ECHDC2: variants seen among roughly 807,000 people sequenced by gnomAD.
ECHDC2 encodes enoyl-CoA hydratase domain containing 2.
Under a neutral mutation model 40.6 loss-of-function variants are expected in ECHDC2, and 34 were observed. The observed-to-expected ratio is 0.84, with a 90% CI of 0.64 to 1.11. The LOEUF (loss-of-function observed/expected upper bound fraction) is 1.11, where lower values mean the gene tolerates loss of function less well. Among genes scored for constraint, ECHDC2 ranks in the 50% most tolerant of loss-of-function variants. The probability of loss-of-function intolerance (pLI) is 0.00; values close to 1 mark genes in which losing one functional copy is unlikely to be tolerated. For synonymous variants in ECHDC2, 162 were observed against 166.6 expected (o/e 0.97, Z 0.21); for missense variants, 392 against 400.7 (o/e 0.98, Z 0.19).
intron 1 of ECHDC2, chr1:52,915,088 A>T (rs1035793843): frequency 2.6e-6 from 1 of 382,602 alleles, no homozygotes; most frequent in Non-Finnish European, 5.2e-6. Flanking sequence ...CCATCTAGTC[A>T]GGGTGTGGGG....
At position 52,921,717 on chromosome 1, in the gene ECHDC2, C is replaced by G; in HGVS notation, c.-44G>C. ...TGAAGGTGCTTCTCCGGCCCTGCAC[C>G]GTCTCGGCTCCCGCTGAGAGCTCGC... is the stretch of plus-strand genomic sequence containing the variant. On this transcript the variant is annotated 5_prime_UTR_variant, in exon 1 of 10. Coordinates refer to ENST00000371522, the MANE Select transcript of ECHDC2 (RefSeq NM_001198961.2). 1 of 1,438,000 alleles carries G rather than the reference C, an allele frequency of 7.0e-7. No individual in the cohort carries two copies. The highest frequency in any genetic ancestry group is 9.1e-7 in the Non-Finnish European group (1 of 1,098,772). The allele number at this position is 1,438,000 out of a possible 1,614,324, so 89.1% of individuals were successfully genotyped here.
chr1:52,917,151 G>A (rs897895616), intron 1 of ECHDC2, among the ~76,000 whole-genome samples: 2 of 151,830 alleles, frequency 1.3e-5, no homozygotes, highest in African/African-American at 4.8e-5. Flanking sequence ...GAAACCAAGA[G>A]GCAGAGGCTG....
chr1:52,920,799 T>C (rs149275389), intron 1 of ECHDC2, among the ~76,000 whole-genome samples: 1 of 151,566 alleles, frequency 6.6e-6, no homozygotes, highest in Admixed American at 6.5e-5. Context: ...CATCTGTGTA[T>C]CAAATGCAGG....
intron 3 of ECHDC2, among the ~76,000 whole-genome samples, chr1:52,910,352 G>GCTTTTTTTTTTTTTTTTTTTTTTT (rs1649094598): frequency 6.2e-5 from 2 of 32,062 alleles, no homozygotes; most frequent in African/African-American, 2.2e-4. Context: ...CCACAATTTC[G>GCTTTTTTTTTTTTTTTTTTTTTTT]TTTTTTTTTT....
At position 52,897,629 on chromosome 1, in the gene ECHDC2, A is replaced by T; in HGVS notation, c.754-145T>A. The T allele has an allele frequency of 6.5e-6, 5 of 770,642 alleles. No homozygotes were observed. The Admixed American group carries it at 1.0e-4, about 16-fold the overall frequency. The allele number at this position is 770,642 out of a possible 1,614,324, so 47.7% of individuals were successfully genotyped here. The stretch of plus-strand genomic sequence containing the variant: ...ATTTCCCTCCTAGAGAAGAAACACC[A>T]TTCGTAACTATGACAAAACTGCTGG... On this transcript the variant is annotated intron_variant, in intron 8 of 9. Coordinates refer to ENST00000371522, the MANE Select transcript of ECHDC2 (RefSeq NM_001198961.2).
chr1:52,908,167 T>C (rs908913466), intron 3 of ECHDC2, among the ~76,000 whole-genome samples: 1 of 152,072 alleles, frequency 6.6e-6, no homozygotes, highest in Admixed American at 6.6e-5. Flanking sequence ...TCCATCAAAA[T>C]GGAAACCTTC....
intron 1 of ECHDC2, chr1:52,913,780 C>T (rs12096622): frequency 0.024 from 7,020 of 292,308 alleles, 530 homozygotes; most frequent in African/African-American, 0.15. Flanking sequence ...CACCCGGGGG[C>T]CCTAGTGTAC....
At chr1:52,915,198 A>T in intron 1 of ECHDC2, 1 of 455,972 alleles carries the variant, frequency 2.2e-6, no homozygotes, top group African/African-American at 2.0e-5. Context: ...AGGTCTTCCC[A>T]GGGCTGAAAT....
Position 52,897,423 on chromosome 1 carries a change from T to C in ECHDC2, c.801+14A>G, listed in dbSNP as rs1266284421. On this transcript the variant is annotated intron_variant, in intron 9 of 9. Coordinates refer to ENST00000371522, the MANE Select transcript of ECHDC2 (RefSeq NM_001198961.2). ...CCTATGTTAACAAGCAGGCATGGGCTGGTTGCTACATACCTGGGCATAGCA... is the reference window on the plus strand; with the variant it reads ...CCTATGTTAACAAGCAGGCATGGGCCGGTTGCTACATACCTGGGCATAGCA... 1 of 1,613,920 alleles carries C rather than the reference T, an allele frequency of 6.2e-7. No individual in the cohort carries two copies. Among genetic ancestry groups the C allele is most frequent in the Non-Finnish European group, 8.5e-7 (1 of 1,179,894 alleles).
At chr1:52,913,768 G>T in intron 1 of ECHDC2, 1 of 238,722 alleles carries the variant, frequency 4.2e-6, no homozygotes, top group Non-Finnish European at 7.3e-6. Flanking sequence ...ATGCACTGTC[G>T]CCACCCGGGG....
At chr1:52,915,080 A>G (rs1439034256) in intron 1 of ECHDC2, 5 of 376,058 alleles carry the variant, frequency 1.3e-5, no homozygotes, top group African/African-American at 4.2e-5. Flanking sequence ...CACCCCCGCC[A>G]TCTAGTCAGG....
In ECHDC2 at chr1:52,921,670, G is replaced by A. The variant is rs1465595662; in HGVS notation, c.4C>T (p.Leu2=). 3 of 1,562,680 alleles carry A rather than the reference G, an allele frequency of 1.9e-6. No homozygotes were observed. The highest frequency in any genetic ancestry group is 2.6e-6 in the Non-Finnish European group (3 of 1,156,632). Residue 2 remains leucine (L), a synonymous_variant, in exon 1 of 10, where the codon CTG becomes TTG. Coordinates refer to ENST00000371522, the MANE Select transcript of ECHDC2 (RefSeq NM_001198961.2). M[L]RVLCLLRPWR... is the part of the protein sequence containing the mutation. ...GGGCGCAGGAGGCACAGAACGCGCA[G>A]CATCGGGGCGCAGGCTGGGAGTGAA...
At position 52,896,529 on chromosome 1, in the gene ECHDC2, A is replaced by C; in HGVS notation, c.870T>G (p.Val290=). 1.9e-6 allele frequency: 3 copies of C among 1,614,004 alleles called. No homozygotes were observed. Among genetic ancestry groups the C allele is most frequent in the Non-Finnish European group, 2.5e-6 (3 of 1,179,862 alleles). Residue 290 remains valine (V), a synonymous_variant, in exon 10 of 10, where the codon GTT becomes GTG. Transcript: ENST00000371522. ...AFREKRTPKF[V]GK ...AAGGTTAAAATGGGGGTCATTTGCC[A>C]ACAAATTTGGGAGTCCGCTTCTCCC...
intron 9 of ECHDC2, chr1:52,896,896 A>G: frequency 2.8e-6 from 1 of 355,928 alleles, no homozygotes; most frequent in East Asian, 4.6e-5. Context: ...GCTGCTCAGT[A>G]GAGAAAAAAA....
At chr1:52,905,906 A>G in intron 5 of ECHDC2, 1 of 208,236 alleles carries the variant, frequency 4.8e-6, no homozygotes, top group Admixed American at 5.3e-5. Flanking sequence ...ACACATTTTT[A>G]TATGTTGCTC....
rs200299177 is a variant in ECHDC2, at chr1:52,921,630, C to G, written c.44G>C (p.Arg15Pro). The G allele has an allele frequency of 3.0e-5, 48 of 1,592,996 alleles. No homozygotes were observed. Among genetic ancestry groups the G allele is most frequent in the Non-Finnish European group, 3.8e-5 (45 of 1,170,654 alleles). Reference sequence around the variant, plus strand: ...CCCGTCGGAAGCGCAGCCGCGGGCCCGAAGGGGCCTCCAGGGGCGCAGGAG... The same window carrying G: ...CCCGTCGGAAGCGCAGCCGCGGGCCGGAAGGGGCCTCCAGGGGCGCAGGAG... ...LCLLRPWRPL[R>P]ARGCASDGAA... Residue 15 changes from arginine (R) to proline (P), a missense_variant, in exon 1 of 10, where the codon CGG (arginine) becomes CCG (proline). Physicochemically the swap from Arg to Pro is moderately radical, Grantham distance 103 (BLOSUM62 -2). Transcript: ENST00000371522.
rs1310913636 is a variant in ECHDC2 at position 52,897,502 on chromosome 1, T to A, written c.754-18A>T. On this transcript the variant is annotated intron_variant, in intron 8 of 9. Transcript: ENST00000371522. Reference sequence around the variant, plus strand: ...ATGTCCACCTGCAAGAAAGACGTGCTCCCTGGATTGGTCTGACCTTGTCCA... The same window carrying A: ...ATGTCCACCTGCAAGAAAGACGTGCACCCTGGATTGGTCTGACCTTGTCCA... The A allele has an allele frequency of 1.2e-6, 2 of 1,614,074 alleles. No homozygotes were observed. Among genetic ancestry groups the A allele is most frequent in the Admixed American group, 3.3e-5 (2 of 60,022 alleles).
intron 9 of ECHDC2, chr1:52,896,800 G>A: frequency 1.8e-6 from 1 of 564,982 alleles, no homozygotes; most frequent in East Asian, 2.9e-5. Flanking sequence ...TGTATTCTCT[G>A]TGCCCCATCA....
intron 7 of ECHDC2, among the ~76,000 whole-genome samples, chr1:52,904,142 A>G (rs796189519): frequency 2.0e-4 from 31 of 152,184 alleles, no homozygotes; most frequent in African/African-American, 7.5e-4. Context: ...AGAATATCCC[A>G]CCAGGCAGTA....
Sources: gnomAD v4.1 joint callset for allele counts (sites outside exome capture counted in the v4.1 genomes callset) on GRCh38, gnomAD v4.1.1 for gene constraint, MANE v1.5 for transcripts, NCBI Gene and HGNC (gene_info 2026-07-23, HGNC 2026-07-21) for gene names.